RAD54B: variants seen among roughly 807,000 people sequenced by gnomAD.
The protein encoded by RAD54B is DNA repair and recombination protein RAD54B.
In RAD54B, 78 loss-of-function variants were observed where a neutral mutation model predicts 95.8. The ratio of observed to expected loss-of-function variants is 0.81; its 90% confidence interval spans 0.68 to 0.98. RAD54B has a LOEUF of 0.98. Ranked by LOEUF, RAD54B falls within the 50% of genes least tolerant of loss-of-function variation. RAD54B has a pLI of 0.00. For synonymous variants in RAD54B, 328 were observed against 354.9 expected, an observed-to-expected ratio of 0.92 and a Z score of 0.85; for missense variants, 957 against 1,056.6, an observed-to-expected ratio of 0.91 and a Z score of 1.31.
At chr8:94,432,621 C>CTGG in intron 3 of RAD54B, 1 of 1,548,690 alleles carries the variant, frequency 6.5e-7, no homozygotes, top group Non-Finnish European at 8.7e-7. Context: ...CTGTAGTGAA[C>CTGG]TGGTACCAGC....
intron 3 of RAD54B, among the ~76,000 whole-genome samples, chr8:94,424,006 G>A (rs1037390033): frequency 3.9e-5 from 6 of 152,090 alleles, no homozygotes; most frequent in East Asian, 1.9e-4. Flanking sequence ...GTAAAATACC[G>A]TATTGTATTA....
intron 3 of RAD54B, among the ~76,000 whole-genome samples, chr8:94,446,854 A>T (rs986795945): frequency 1.3e-5 from 2 of 152,152 alleles, no homozygotes; most frequent in African/African-American, 4.8e-5. Context: ...AGATGAAGCA[A>T]CTGGTTAGCC....
intron 3 of RAD54B, among the ~76,000 whole-genome samples, chr8:94,434,620 G>T (rs1812206174): frequency 6.6e-6 from 1 of 151,648 alleles, no homozygotes. Flanking sequence ...GTATAGTTAA[G>T]ATTATAGAAT....
intron 3 of RAD54B, chr8:94,430,898 C>T (rs1812075440): frequency 1.0e-6 from 1 of 985,296 alleles, no homozygotes; most frequent in African/African-American, 1.7e-5. Context: ...TCTACATTCA[C>T]TTAAAATCAA....
At chr8:94,424,551 A>T (rs938064269) in intron 3 of RAD54B, among the ~76,000 whole-genome samples, 1 of 152,212 alleles carries the variant, frequency 6.6e-6, no homozygotes, top group Non-Finnish European at 1.5e-5. Context: ...AACATGGAAT[A>T]GTGGAACATA....
At chr8:94,460,019 G>A (rs1262418974) in intron 2 of RAD54B, among the ~76,000 whole-genome samples, 1 of 151,304 alleles carries the variant, frequency 6.6e-6, no homozygotes, top group Non-Finnish European at 1.5e-5. Flanking sequence ...TAAGCTGGGC[G>A]TGGTGGCGGG....
At chr8:94,389,024 G>A (rs983982054) in intron 10 of RAD54B, among the ~76,000 whole-genome samples, 10 of 152,182 alleles carry the variant, frequency 6.6e-5, no homozygotes, top group East Asian at 1.9e-4. Context: ...GTCTATGCAC[G>A]TGCATTCTGT....
chr8:94,386,030 G>T (rs928370663), intron 11 of RAD54B, among the ~76,000 whole-genome samples: 70 of 152,284 alleles, frequency 4.6e-4, no homozygotes, highest in African/African-American at 1.6e-3. Flanking sequence ...TTTAAGAAAA[G>T]GAGTGACAAG....
intron 3 of RAD54B, among the ~76,000 whole-genome samples, chr8:94,439,160 A>T (rs1812338572): frequency 6.6e-6 from 1 of 152,114 alleles, no homozygotes. Flanking sequence ...CTTCTGTACC[A>T]CTGAAGGGAG....
intron 3 of RAD54B, chr8:94,429,227 A>G: frequency 1.7e-6 from 1 of 601,096 alleles, no homozygotes; most frequent in Non-Finnish European, 2.1e-6. Context: ...AAGAAAAAGC[A>G]ATCTTAAACA....
chr8:94,434,694 TTAAA>T (rs1323079437), intron 3 of RAD54B, among the ~76,000 whole-genome samples: 1 of 151,576 alleles, frequency 6.6e-6, no homozygotes, highest in Non-Finnish European at 1.5e-5. Context: ...TATAAGCACA[TTAAA>T]TATATATATT....
intron 3 of RAD54B, among the ~76,000 whole-genome samples, chr8:94,433,592 A>G (rs1812175402): frequency 6.6e-6 from 1 of 152,072 alleles, no homozygotes; most frequent in African/African-American, 2.4e-5. Flanking sequence ...AAGCTTCAGC[A>G]TAACAAGTTA....
At chr8:94,393,709 T>G in intron 9 of RAD54B, 34 bp downstream of exon 9, 1 of 1,512,262 alleles carries the variant, frequency 6.6e-7, no homozygotes. Flanking sequence ...GACATACGGC[T>G]TTTTAAAAAC....
intron 3 of RAD54B, among the ~76,000 whole-genome samples, chr8:94,419,312 A>G (rs973959541): frequency 6.6e-6 from 1 of 152,190 alleles, no homozygotes; most frequent in African/African-American, 2.4e-5. Context: ...GTTCGAGACC[A>G]GCCTGACCAA....
At chr8:94,448,741 T>A (rs530585545) in intron 3 of RAD54B, among the ~76,000 whole-genome samples, 2 of 146,678 alleles carry the variant, frequency 1.4e-5, no homozygotes, top group East Asian at 4.0e-4. Context: ...AATAAAACAG[T>A]GGTTACTAGA....
rs760358312 is a variant in RAD54B, at chr8:94,400,222, C to G, written c.1170+16G>C. On this transcript the variant is annotated intron_variant, in intron 7 of 14. Coordinates refer to ENST00000336148, the MANE Select transcript of RAD54B (RefSeq NM_012415.3). ...TTTTTTTTAAATGACTAAGGCTAAA[C>G]TTTTAAGTTTCTTACCTGATCAACA... The G allele has an allele frequency of 1.9e-6, 3 of 1,601,706 alleles. No homozygotes were observed. Among genetic ancestry groups the G allele is most frequent in the Non-Finnish European group, 2.6e-6 (3 of 1,170,258 alleles).
intron 1 of RAD54B, among the ~76,000 whole-genome samples, chr8:94,472,786 A>C (rs936534281): frequency 6.6e-6 from 1 of 152,252 alleles, no homozygotes; most frequent in Non-Finnish European, 1.5e-5. Context: ...TAAAGAATGA[A>C]CTAGATGCTA....
At chr8:94,432,353 C>A (rs1420365079) in intron 3 of RAD54B, 13 of 1,550,142 alleles carry the variant, frequency 8.4e-6, no homozygotes, top group African/African-American at 2.7e-5. Flanking sequence ...CTAATAGTGA[C>A]CTAAAGTGTT....
chr8:94,422,617 A>AAATATAT (rs1554606249), intron 3 of RAD54B, among the ~76,000 whole-genome samples: 1 of 43,572 alleles, frequency 2.3e-5, no homozygotes, highest in Non-Finnish European at 3.9e-5. Flanking sequence ...AAAAAAAAAA[A>AAATATAT]ATATATATAT....
Sources: gnomAD v4.1 joint callset for allele counts (sites outside exome capture counted in the v4.1 genomes callset) on GRCh38, gnomAD v4.1.1 for gene constraint, MANE v1.5 for transcripts, NCBI Gene and HGNC (gene_info 2026-07-23, HGNC 2026-07-21) for gene names.